The following CATSPERE variants were observed in gnomAD, a reference collection of about 807,000 sequenced individuals.
The protein encoded by CATSPERE is catsper channel auxiliary subunit epsilon.
CATSPERE carries 93 observed loss-of-function variants against 114.1 expected under a neutral mutation model. That is an observed-to-expected ratio of 0.81 (90% CI 0.69 to 0.97). The LOEUF is 0.97. Among genes scored for constraint, CATSPERE ranks in the 50% least tolerant of loss-of-function variants. CATSPERE has a pLI of 0.00. For missense variants in CATSPERE, 1,058 were observed against 1,131.6 expected (o/e 0.93, Z 0.93); for synonymous variants, 341 against 384.1 (o/e 0.89, Z 1.31).
In CATSPERE at chr1:244,593,482, T is replaced by C. The variant is rs1450541345; in HGVS notation, c.2224-17T>C. 2.5e-6 allele frequency: 4 copies of C among 1,613,322 alleles called. No homozygotes were observed. Among genetic ancestry groups the C allele is most frequent in the Admixed American group, 1.7e-5 (1 of 59,974 alleles). ...GACCAAATATATAAAATCACTAAAG[T>C]AGTTTTCCTTTTCTAGAGAGTAAGG... On this transcript the variant is annotated splice_polypyrimidine_tract_variant and intron_variant, in intron 16 of 21. Coordinates refer to ENST00000366534, the MANE Select transcript of CATSPERE (RefSeq NM_001130957.2).
intron 19 of CATSPERE, among the ~76,000 whole-genome samples, chr1:244,614,661 C>A (rs1671151516): frequency 6.6e-6 from 1 of 152,164 alleles, no homozygotes; most frequent in Non-Finnish European, 1.5e-5. Flanking sequence ...GCCAAGGCAA[C>A]CAGCCAGGGG....
intron 7 of CATSPERE, among the ~76,000 whole-genome samples, chr1:244,511,678 A>G (rs1471276276): frequency 1.3e-5 from 2 of 152,152 alleles, no homozygotes; most frequent in East Asian, 1.9e-4. Flanking sequence ...TCATTATGGT[A>G]GATACCATCC....
intron 8 of CATSPERE, among the ~76,000 whole-genome samples, chr1:244,548,763 G>T (rs1046618101): frequency 6.6e-6 from 1 of 152,150 alleles, no homozygotes; most frequent in Non-Finnish European, 1.5e-5. Context: ...TACCTTGAAC[G>T]GCTGAGCAAG....
At chr1:244,467,806 A>T (rs1667838936) in intron 2 of CATSPERE, among the ~76,000 whole-genome samples, 1 of 152,232 alleles carries the variant, frequency 6.6e-6, no homozygotes, top group African/African-American at 2.4e-5. Context: ...GTCAACACAA[A>T]ACAATATGGA....
At chr1:244,467,702 G>A (rs945856888) in intron 2 of CATSPERE, among the ~76,000 whole-genome samples, 9 of 152,186 alleles carry the variant, frequency 5.9e-5, no homozygotes, top group Admixed American at 5.2e-4. Flanking sequence ...CCAGTAGCAT[G>A]TCAATCAGTA....
upstream of CATSPERE, among the ~76,000 whole-genome samples, chr1:244,459,080 C>CT (rs36076606): frequency 0.27 from 36,032 of 134,438 alleles, 5,125 homozygotes; most frequent in East Asian, 0.5. Flanking sequence ...CTGGGCTCAG[C>CT]TTTTTTTTTT....
chr1:244,540,832 A>AGCCC (rs1658558035), intron 8 of CATSPERE, among the ~76,000 whole-genome samples: 1 of 75,988 alleles, frequency 1.3e-5, no homozygotes, highest in African/African-American at 3.8e-5. Context: ...AACATAACAG[A>AGCCC]GCCCTCAGAA....
chr1:244,472,601 C>T (rs1668673416), intron 2 of CATSPERE, among the ~76,000 whole-genome samples: 1 of 152,150 alleles, frequency 6.6e-6, no homozygotes, highest in African/African-American at 2.4e-5. Context: ...ACATTTCTTA[C>T]AATTGATGAG....
At chr1:244,460,819 C>T (rs140566015), upstream of CATSPERE, among the ~76,000 whole-genome samples, 1 of 152,368 alleles carries the variant, frequency 6.6e-6, no homozygotes, top group African/African-American at 2.4e-5. Flanking sequence ...GAGGCTGAAG[C>T]AGGAGAATCG....
intron 11 of CATSPERE, among the ~76,000 whole-genome samples, chr1:244,579,840 C>T (rs1408534979): frequency 1.3e-5 from 2 of 152,178 alleles, no homozygotes; most frequent in Non-Finnish European, 2.9e-5. Flanking sequence ...GTAACTACCT[C>T]ATAAGGTTCT....
At chr1:244,477,268 T>C (rs1441099417) in intron 2 of CATSPERE, among the ~76,000 whole-genome samples, 3 of 152,206 alleles carry the variant, frequency 2.0e-5, no homozygotes, top group African/African-American at 7.2e-5. Context: ...AGTGCTAGGA[T>C]TACAGGCATG....
At chr1:244,619,794 T>C (rs1671858332) in intron 20 of CATSPERE, among the ~76,000 whole-genome samples, 1 of 152,184 alleles carries the variant, frequency 6.6e-6, no homozygotes, top group Non-Finnish European at 1.5e-5. Context: ...AAAAATGACA[T>C]TTTATAGTGA....
intron 14 of CATSPERE, among the ~76,000 whole-genome samples, chr1:244,588,842 G>T (rs1324321377): frequency 3.3e-5 from 5 of 152,020 alleles, no homozygotes; most frequent in Admixed American, 6.5e-5. Flanking sequence ...TCAGTCTACG[G>T]CTCATTCCCA....
In CATSPERE at chr1:244,607,959, T is replaced by G. The variant is rs1420251578; in HGVS notation, c.2403+2165T>G. Among the ~76,000 whole-genome samples, 1 of 151,776 alleles carries G rather than the reference T, an allele frequency of 6.6e-6. No individual in the cohort carries two copies. The highest frequency in any genetic ancestry group is 1.5e-5 in the Non-Finnish European group (1 of 67,962). ...CCATATCTCCTAAAAATAAAAAAATTAGCTGGGCATGCTGGCACACACCTG... is the reference window on the plus strand; with the variant it reads ...CCATATCTCCTAAAAATAAAAAAATGAGCTGGGCATGCTGGCACACACCTG... On this transcript the variant is annotated intron_variant, in intron 18 of 21. Transcript: ENST00000366534. The surrounding 1 kb of genome is among the most constrained non-coding windows in gnomAD (Gnocchi z 4.4).
intron 21 of CATSPERE, among the ~76,000 whole-genome samples, chr1:244,639,678 C>CAAAAAA (rs33986693): frequency 3.7e-5 from 5 of 136,486 alleles, no homozygotes; most frequent in South Asian, 2.4e-4. Flanking sequence ...GACTCCATCT[C>CAAAAAA]AAAAAAAAAA....
intron 5 of CATSPERE, among the ~76,000 whole-genome samples, chr1:244,480,575 G>A (rs1045113129): frequency 1.3e-4 from 20 of 152,198 alleles, no homozygotes; most frequent in Non-Finnish European, 2.6e-4. Flanking sequence ...GTTGAGGATT[G>A]GCACATACAC....
At chr1:244,451,701 G>T, upstream of CATSPERE, 3 of 1,612,334 alleles carry the variant, frequency 1.9e-6, no homozygotes, top group South Asian at 3.3e-5. The surrounding 1 kb of genome is among the most constrained non-coding windows in gnomAD (Gnocchi z 6.6). Context: ...TGCCTTCGTC[G>T]CCCCACTGCG....
intron 20 of CATSPERE, among the ~76,000 whole-genome samples, chr1:244,621,180 T>TC (rs1672212837): frequency 2.9e-5 from 2 of 68,724 alleles, no homozygotes; most frequent in African/African-American, 7.0e-5. Context: ...TATAGATATA[T>TC]TTATATAGAT....
intron 7 of CATSPERE, among the ~76,000 whole-genome samples, chr1:244,499,805 C>T (rs995724960): frequency 1.3e-5 from 2 of 152,060 alleles, no homozygotes; most frequent in Admixed American, 6.6e-5. Context: ...AATAAACATA[C>T]GTGTGCATGT....
Sources: gnomAD v4.1 joint callset for allele counts (sites outside exome capture counted in the v4.1 genomes callset) on GRCh38, gnomAD v4.1.1 for gene constraint, Gnocchi (gnomAD v3.1) non-coding constraint, MANE v1.5 for transcripts, NCBI Gene and HGNC (gene_info 2026-07-23, HGNC 2026-07-21) for gene names.